Variants in OSBPL11 observed in about 807,000 individuals in gnomAD.
OSBPL11 encodes oxysterol-binding protein-related protein 11.
In OSBPL11, 33 loss-of-function variants were observed where a neutral mutation model predicts 84.4. The observed-to-expected ratio is 0.39, with a 90% CI of 0.30 to 0.52. The LOEUF is 0.52. Among genes scored for constraint, OSBPL11 ranks in the 20% least tolerant of loss-of-function variants. OSBPL11 has a pLI of 0.72. For synonymous variants in OSBPL11, 276 were observed against 310.2 expected (o/e 0.89, Z 1.16); for missense variants, 736 against 901.1 (o/e 0.82, Z 2.35).
intron 8 of OSBPL11, 22 bp downstream of exon 8, chr3:125,560,357 G>T: frequency 6.7e-7 from 1 of 1,502,054 alleles, no homozygotes; most frequent in Non-Finnish European, 9.0e-7. Context: ...AATCTCCATA[G>T]CCAGCTTATG....
At chr3:125,558,004 G>A (rs1161942070) in intron 8 of OSBPL11, among the ~76,000 whole-genome samples, 1 of 151,954 alleles carries the variant, frequency 6.6e-6, no homozygotes, top group Non-Finnish European at 1.5e-5. Flanking sequence ...ATGTTGGCTA[G>A]GCTGGTCTCG....
intron 7 of OSBPL11, 108 bp downstream of exon 7, chr3:125,563,590 G>T: frequency 1.9e-6 from 2 of 1,028,776 alleles, no homozygotes; most frequent in Non-Finnish European, 2.9e-6. Flanking sequence ...CAAGAGTGTT[G>T]CTCAGGTGTT....
At chr3:125,583,785 A>C (rs936273896) in intron 1 of OSBPL11, among the ~76,000 whole-genome samples, 4 of 152,124 alleles carry the variant, frequency 2.6e-5, no homozygotes, top group African/African-American at 7.2e-5. Context: ...CAACTAGAGG[A>C]AAGAATTCTT....
At chr3:125,549,353 G>A (rs939178261) in intron 9 of OSBPL11, among the ~76,000 whole-genome samples, 1 of 152,154 alleles carries the variant, frequency 6.6e-6, no homozygotes, top group South Asian at 2.1e-4. Context: ...ACTTTCTGTT[G>A]AGGATATCGA....
rs532351143 is a variant in OSBPL11, at chr3:125,571,870, C to A, written c.667-4275G>T. Among the ~76,000 whole-genome samples the A allele has an allele frequency of 2.2e-3, 332 of 152,340 alleles. 5 individuals carry two copies. Among genetic ancestry groups the A allele is most frequent in the Non-Finnish European group, 9.0e-4 (61 of 68,034 alleles). On this transcript the variant is annotated intron_variant, in intron 5 of 12. Coordinates refer to ENST00000296220, the MANE Select transcript of OSBPL11 (RefSeq NM_022776.5). ...AGGGGAAATGTGAGGTCAGAGCCCCCACACAGAGTCCCTACTGGGGTACCA... is the reference window on the plus strand; with the variant it reads ...AGGGGAAATGTGAGGTCAGAGCCCCAACACAGAGTCCCTACTGGGGTACCA...
At chr3:125,537,001 A>G (rs1935648476) in intron 11 of OSBPL11, among the ~76,000 whole-genome samples, 3 of 151,896 alleles carry the variant, frequency 2.0e-5, no homozygotes, top group Admixed American at 2.0e-4. Flanking sequence ...TCTACTACAA[A>G]TACAAAAAAT....
At chr3:125,540,106 C>G (rs1327369079) in intron 10 of OSBPL11, among the ~76,000 whole-genome samples, 2 of 152,024 alleles carry the variant, frequency 1.3e-5, no homozygotes, top group African/African-American at 4.8e-5. Context: ...AACCAGATCT[C>G]TGGAATCTAA....
intron 7 of OSBPL11, among the ~76,000 whole-genome samples, chr3:125,562,140 C>T (rs921706389): frequency 3.3e-5 from 5 of 152,288 alleles, no homozygotes; most frequent in South Asian, 4.2e-4. Context: ...GTACCCGACT[C>T]AATATGTCTT....
intron 8 of OSBPL11, among the ~76,000 whole-genome samples, chr3:125,556,308 C>T (rs1287767617): frequency 9.2e-5 from 14 of 152,144 alleles, no homozygotes; most frequent in African/African-American, 3.4e-4. Context: ...AAACTGATCC[C>T]AAGTGTATCT....
chr3:125,566,729 A>T (rs1314484810), intron 6 of OSBPL11, among the ~76,000 whole-genome samples: 1 of 152,036 alleles, frequency 6.6e-6, no homozygotes, highest in Non-Finnish European at 1.5e-5. Context: ...CCCTAGCACA[A>T]TTAATTTCAA....
intron 1 of OSBPL11, among the ~76,000 whole-genome samples, chr3:125,586,675 C>G (rs1936516167): frequency 6.6e-6 from 1 of 151,974 alleles, no homozygotes; most frequent in Non-Finnish European, 1.5e-5. Context: ...TGCCACCATG[C>G]CTGGCTACTT....
intron 5 of OSBPL11, among the ~76,000 whole-genome samples, chr3:125,569,406 G>A (rs1197487839): frequency 6.6e-6 from 1 of 152,204 alleles, no homozygotes. Context: ...GGTTTCATAA[G>A]AGGATGAACT....
intron 9 of OSBPL11, among the ~76,000 whole-genome samples, chr3:125,550,563 A>C (rs1328428387): frequency 6.6e-6 from 1 of 152,200 alleles, no homozygotes; most frequent in Non-Finnish European, 1.5e-5. Context: ...ACTATAACAC[A>C]ATCTCAAAAT....
chr3:125,585,341 G>A (rs1045011865), intron 1 of OSBPL11, among the ~76,000 whole-genome samples: 10 of 152,012 alleles, frequency 6.6e-5, no homozygotes, highest in Non-Finnish European at 1.2e-4. Context: ...AAGATGGGTT[G>A]GCCAGGCTGG....
At chr3:125,590,045 T>C (rs1936573514) in intron 1 of OSBPL11, among the ~76,000 whole-genome samples, 1 of 152,204 alleles carries the variant, frequency 6.6e-6, no homozygotes, top group South Asian at 2.1e-4. Context: ...TGTGAATTTC[T>C]CTACAAGCTG....
chr3:125,544,374 C>G (rs1935779512), intron 10 of OSBPL11, among the ~76,000 whole-genome samples: 4 of 151,998 alleles, frequency 2.6e-5, no homozygotes, highest in South Asian at 2.1e-4. Flanking sequence ...TTTTAAGAAG[C>G]AATTTTACCA....
intron 12 of OSBPL11, 56 bp from the exon 13 acceptor site, chr3:125,530,636 C>T: frequency 7.1e-7 from 1 of 1,406,894 alleles, no homozygotes. Context: ...AAATCAGTAA[C>T]CAAAACTAGA....
At position 125,560,368 on chromosome 3, in the gene OSBPL11, C is replaced by A. The variant is rs753936472; in HGVS notation, c.1155+11G>T. ...TAACAATCTCCATAGCCAGCTTATG[C>A]CATTACTTACTCTTGTTAAATCCAT... On this transcript the variant is annotated intron_variant, in intron 8 of 12. Transcript: ENST00000296220. 11 of 1,526,168 alleles carry A rather than the reference C, an allele frequency of 7.2e-6. No homozygotes were observed. The highest frequency in any genetic ancestry group is 9.8e-6 in the Non-Finnish European group (11 of 1,126,876). The allele number at this position is 1,526,168 out of a possible 1,614,324, so 94.5% of individuals were successfully genotyped here.
intron 12 of OSBPL11, among the ~76,000 whole-genome samples, chr3:125,531,265 A>G (rs984787901): frequency 1.4e-5 from 2 of 147,742 alleles, no homozygotes; most frequent in Non-Finnish European, 3.0e-5. Context: ...GACGTGAGCC[A>G]CCGCGCCAGG....
Sources: gnomAD v4.1 joint callset for allele counts (sites outside exome capture counted in the v4.1 genomes callset) on GRCh38, gnomAD v4.1.1 for gene constraint, MANE v1.5 for transcripts, NCBI Gene and HGNC (gene_info 2026-07-23, HGNC 2026-07-21) for gene names.